The following NOL10 variants were observed in gnomAD, a reference collection of about 807,000 sequenced individuals.
NOL10 encodes the protein nucleolar protein 10, also known as H_NH0074G24.1.
NOL10 carries 58 observed loss-of-function variants against 103.5 expected under a neutral mutation model. That is an observed-to-expected ratio of 0.56 (90% CI 0.45 to 0.70). The LOEUF (loss-of-function observed/expected upper bound fraction) is 0.70, where lower values mean the gene tolerates loss of function less well. Ranked by LOEUF, NOL10 falls within the 30% of genes least tolerant of loss-of-function variation. NOL10 has a pLI of 0.00. For missense variants in NOL10, 763 were observed against 807.3 expected (o/e 0.95, Z 0.67); for synonymous variants, 287 against 282.5 (o/e 1.02, Z -0.16).
At chr2:10,581,282 T>C (rs965197148) in intron 19 of NOL10, among the ~76,000 whole-genome samples, 38 of 152,228 alleles carry the variant, frequency 2.5e-4, no homozygotes, top group African/African-American at 8.2e-4. Flanking sequence ...TCTTATCGCA[T>C]ACCCCCGCTG....
At chr2:10,619,266 T>C (rs1676998348) in intron 13 of NOL10, among the ~76,000 whole-genome samples, 1 of 152,110 alleles carries the variant, frequency 6.6e-6, no homozygotes. Flanking sequence ...TGCCTCAGCC[T>C]CCTGAGTAGC....
chr2:10,678,091 C>A (rs1681455188), intron 3 of NOL10, among the ~76,000 whole-genome samples: 1 of 152,038 alleles, frequency 6.6e-6, no homozygotes, highest in Non-Finnish European at 1.5e-5. Context: ...CGCTGTTGCC[C>A]AGGTTGGAGC....
intron 13 of NOL10, among the ~76,000 whole-genome samples, chr2:10,607,807 A>G (rs1004381590): frequency 6.8e-6 from 1 of 146,322 alleles, no homozygotes; most frequent in African/African-American, 2.6e-5. Flanking sequence ...CATGTTGCCC[A>G]GGTTGGTCTT....
At chr2:10,612,384 TATA>T (rs1383802752) in intron 13 of NOL10, among the ~76,000 whole-genome samples, 1 of 152,244 alleles carries the variant, frequency 6.6e-6, no homozygotes, top group African/African-American at 2.4e-5. Context: ...TCTGCTTATT[TATA>T]ATGCTACTGA....
chr2:10,630,483 C>T (rs968436341), intron 13 of NOL10, among the ~76,000 whole-genome samples: 3 of 152,176 alleles, frequency 2.0e-5, no homozygotes, highest in South Asian at 4.2e-4. Flanking sequence ...GAGGCTGAGG[C>T]GGGCGGATCA....
At chr2:10,620,687 T>TA (rs1253811880) in intron 13 of NOL10, among the ~76,000 whole-genome samples, 2 of 152,154 alleles carry the variant, frequency 1.3e-5, no homozygotes, top group Non-Finnish European at 2.9e-5. Context: ...TCTGAGGTAA[T>TA]AAACAGGATT....
chr2:10,577,710 CA>C lies in NOL10; in HGVS notation c.1872del (p.Ile624MetfsTer8). 6.2e-7 allele frequency: 1 copy of C among 1,610,968 alleles called. No individual in the cohort carries two copies. Among genetic ancestry groups the C allele is most frequent in the Non-Finnish European group, 8.5e-7 (1 of 1,178,454 alleles). ...MNKTLEDRLK[I>X]EAKNGTLSVS... ...ACACTCAATGTCCCATTTTTTGCTT[CA>C]ATTTTCAAACGATCTTCAAGGGTTT... On this transcript the variant is annotated frameshift_variant, in exon 20 of 21. Transcript: ENST00000381685. LOFTEE classifies it high-confidence loss of function.
At chr2:10,596,438 G>A (rs1456348899) in intron 17 of NOL10, among the ~76,000 whole-genome samples, 2 of 152,038 alleles carry the variant, frequency 1.3e-5, no homozygotes, top group Non-Finnish European at 2.9e-5. Context: ...TCCCATCGGG[G>A]GCTAATGAGA....
At chr2:10,688,161 T>C (rs575330998) in intron 1 of NOL10, among the ~76,000 whole-genome samples, 79 of 152,182 alleles carry the variant, frequency 5.2e-4, no homozygotes, top group Non-Finnish European at 1.0e-3. Context: ...AATCTCACTG[T>C]GTTTTAGCAT....
chr2:10,650,444 GCGTGAGCCA>G (rs1467030896), intron 12 of NOL10, among the ~76,000 whole-genome samples: 1 of 152,152 alleles, frequency 6.6e-6, no homozygotes, highest in African/African-American at 2.4e-5. Context: ...GGGATTACAG[GCGTGAGCCA>G]CTGCACTAGG....
Position 10,572,104 on chromosome 2 carries a change from CT to C in NOL10, c.2033del (p.Lys678SerfsTer21), listed in dbSNP as rs1674208165. The C allele has an allele frequency of 6.2e-7, 1 of 1,614,008 alleles. No homozygotes were observed. Among genetic ancestry groups the C allele is most frequent in the African/African-American group, 1.3e-5 (1 of 75,054 alleles). ...KRLRRSAGHL[K>X]SRHKRGRSFH The stretch of plus-strand genomic sequence containing the variant: ...ACGACCGTCCTCTTTTGTGTCTTGA[CT>C]TCAGGTGTCCGGCCGAACGACGGAG... On this transcript the variant is annotated frameshift_variant, in exon 21 of 21. Coordinates refer to ENST00000381685, the MANE Select transcript of NOL10 (RefSeq NM_024894.4). LOFTEE classifies it high-confidence loss of function.
chr2:10,638,072 A>G (rs1401538157), intron 13 of NOL10, among the ~76,000 whole-genome samples: 3 of 152,230 alleles, frequency 2.0e-5, no homozygotes, highest in Non-Finnish European at 4.4e-5. Flanking sequence ...GCTTGAGGCC[A>G]GGAGTTTGAG....
chr2:10,646,522 G>T (rs893782277), intron 12 of NOL10, among the ~76,000 whole-genome samples: 1 of 152,156 alleles, frequency 6.6e-6, no homozygotes, highest in Non-Finnish European at 1.5e-5. Flanking sequence ...GGAGGGTCAG[G>T]GCTGAAAGCA....
intron 17 of NOL10, 112 bp downstream of exon 17, chr2:10,600,741 C>T (rs1675926888): frequency 2.8e-6 from 2 of 710,198 alleles, no homozygotes; most frequent in Non-Finnish European, 2.4e-6. Flanking sequence ...ATCTTATACG[C>T]AGGAAAGAAA....
At chr2:10,644,206 C>A (rs1678902830) in intron 13 of NOL10, 114 bp downstream of exon 13, 6 of 703,342 alleles carry the variant, frequency 8.5e-6, no homozygotes, top group Non-Finnish European at 1.3e-5. Flanking sequence ...TGAGGCTGCA[C>A]CACTGCACCC....
intron 13 of NOL10, among the ~76,000 whole-genome samples, chr2:10,607,958 T>C (rs1180868264): frequency 1.3e-5 from 2 of 152,014 alleles, no homozygotes; most frequent in Non-Finnish European, 2.9e-5. Flanking sequence ...ATTTAACTCA[T>C]TAAAAACTAC....
rs371208194 is a variant in NOL10, at chr2:10,684,630, G to C, written c.67-18C>G. ...GAAAGCCACTTAAAGAAAATGAAGAGAGTTTATTTTAAAACAAATTTAGCT... is the reference window on the plus strand; with the variant it reads ...GAAAGCCACTTAAAGAAAATGAAGACAGTTTATTTTAAAACAAATTTAGCT... On this transcript the variant is annotated intron_variant, in intron 1 of 20. Transcript: ENST00000381685. 123 of 1,547,774 alleles carry C rather than the reference G, an allele frequency of 7.9e-5. No homozygotes were observed. The African/African-American group carries it at 1.6e-3, about 20-fold the overall frequency.
Position 10,654,554 on chromosome 2 carries a change from A to G in NOL10, c.907-7T>C, listed in dbSNP as rs1292333324. The G allele has an allele frequency of 2.5e-6, 4 of 1,584,314 alleles. No homozygotes were observed. Among genetic ancestry groups the G allele is most frequent in the Non-Finnish European group, 3.4e-6 (4 of 1,168,808 alleles). On this transcript the variant is annotated splice_region_variant and splice_polypyrimidine_tract_variant and intron_variant, in intron 11 of 20. Transcript: ENST00000381685. ...AGGAAGTAAATATTTTTCCCTAAAAATAGCAAGCAAAAACGAAGTATTAAA... is the reference window on the plus strand; with the variant it reads ...AGGAAGTAAATATTTTTCCCTAAAAGTAGCAAGCAAAAACGAAGTATTAAA...
intron 13 of NOL10, among the ~76,000 whole-genome samples, chr2:10,621,783 AATATATTT>A (rs1214586057): frequency 1.3e-5 from 2 of 152,158 alleles, no homozygotes; most frequent in Non-Finnish European, 2.9e-5. Context: ...CTGGCAACAA[AATATATTT>A]CTTTGAGAGG....
Sources: gnomAD v4.1 joint callset for allele counts (sites outside exome capture counted in the v4.1 genomes callset) on GRCh38, gnomAD v4.1.1 for gene constraint, MANE v1.5 for transcripts, NCBI Gene and HGNC (gene_info 2026-07-23, HGNC 2026-07-21) for gene names.